Variants in TMEM59L observed in about 807,000 individuals in gnomAD.
TMEM59L encodes the protein transmembrane protein 59-like.
A neutral mutation model predicts 39.6 loss-of-function variants in TMEM59L; 31 were observed. The ratio of observed to expected loss-of-function variants is 0.78; its 90% CI spans 0.59 to 1.06. The LOEUF (loss-of-function observed/expected upper bound fraction) is 1.06, where lower values mean the gene tolerates loss of function less well. Ranked by LOEUF, TMEM59L falls within the 50% of genes least tolerant of loss-of-function variation. The pLI is 0.00. For synonymous variants in TMEM59L, 219 were observed against 202.9 expected (o/e 1.08, Z -0.68); for missense variants, 441 against 451.3 (o/e 0.98, Z 0.21).
intron 4 of TMEM59L, 51 bp from the exon 5 acceptor site, chr19:18,616,949 C>T: frequency 1.4e-6 from 2 of 1,431,420 alleles, no homozygotes; most frequent in Admixed American, 3.8e-5. Context: ...TGCCTGGGCC[C>T]AGGGGTGCTG....
chr19:18,613,922 C>T lies in TMEM59L; in HGVS notation c.222C>T (p.Ile74=). ...CTCCCTATGACAGAGCCGTTCTGATCAGCGCTTGCGAGCGTGGCTGCCGCC... is the reference window on the plus strand; with the variant it reads ...CTCCCTATGACAGAGCCGTTCTGATTAGCGCTTGCGAGCGTGGCTGCCGCC... ...SESPYDRAVL[I]SACERGCRLF... is the part of the protein sequence containing the mutation. Residue 74 remains isoleucine (I), a synonymous_variant, in exon 2 of 8, where the codon ATC becomes ATT. Transcript: ENST00000262817. The T allele has an allele frequency of 1.2e-6, 2 of 1,612,900 alleles. No individual in the cohort carries two copies. The highest frequency in any genetic ancestry group is 1.7e-6 in the Non-Finnish European group (2 of 1,179,922).
rs368151669 is a variant in TMEM59L, at chr19:18,617,877, G to T, written c.665-278G>T. 9.9e-5 allele frequency: 50 copies of T among 505,080 alleles called. No individual in the cohort carries two copies. In the East Asian group the frequency reaches 1.0e-3, roughly 11 times the overall value. 31.3% of individuals were successfully genotyped at this position (505,080 alleles called of 1,614,324 possible). ...TCATCTTCTAGGGTCATCTCCTAGGGTCCATCTCCTAGAGTTCTTTGGTCT... is the reference window on the plus strand; with the variant it reads ...TCATCTTCTAGGGTCATCTCCTAGGTTCCATCTCCTAGAGTTCTTTGGTCT... On this transcript the variant is annotated intron_variant, in intron 5 of 7. Transcript: ENST00000262817.
rs1007905005 is a variant in TMEM59L, at chr19:18,615,902, C to G, written c.409-73C>G. 2.6e-6 allele frequency: 4 copies of G among 1,553,138 alleles called. No homozygotes were observed. The African/African-American group carries it at 5.4e-5, about 21-fold the overall frequency. On this transcript the variant is annotated intron_variant, in intron 3 of 7. Transcript: ENST00000262817. ...GGATTACAGGCGTGAGCCACCACAT[C>G]CTGCCCCCTCCCATTCATTGGTTAA...
At position 18,617,050 on chromosome 19, in the gene TMEM59L, C is replaced by T. The variant is rs1408373366; in HGVS notation, c.612C>T (p.Arg204=). The change falls in exon 5 of 8, where the codon CGC becomes CGT. Residue 204 remains arginine (R), a synonymous_variant. Coordinates refer to ENST00000262817, the MANE Select transcript of TMEM59L (RefSeq NM_012109.3). The part of the protein sequence containing the change: ...SLGFQGGRLQ[R]VEVTWRGSHP... ...GCTTCCAGGGGGGCCGTCTGCAGCG[C>T]GTGGAGGTGACCTGGCGAGGCTCCC... 8.7e-6 allele frequency: 14 copies of T among 1,613,278 alleles called. No individual in the cohort carries two copies. Among genetic ancestry groups the T allele is most frequent in the South Asian group, 4.4e-5 (4 of 91,088 alleles).
At chr19:18,615,587 G>C (rs1182765594) in intron 3 of TMEM59L, among the ~76,000 whole-genome samples, 1 of 152,154 alleles carries the variant, frequency 6.6e-6, no homozygotes, top group Non-Finnish European at 1.5e-5. Flanking sequence ...AATTCTCCTA[G>C]CTCCTCTCCT....
rs1262683735 is a variant in TMEM59L at position 18,617,122 on chromosome 19, A to G, written c.664+20A>G. 6.3e-7 allele frequency: 1 copy of G among 1,598,286 alleles called. No individual in the cohort carries two copies. Among genetic ancestry groups the G allele is most frequent in the Non-Finnish European group, 8.6e-7 (1 of 1,166,636 alleles). On this transcript the variant is annotated intron_variant, in intron 5 of 7. Coordinates refer to ENST00000262817, the MANE Select transcript of TMEM59L (RefSeq NM_012109.3). ...ACGTGGGTAAGGTGCAACCTAGACCAGTGTTCCTTCCATGGGTGGCCCCAC... is the reference window on the plus strand; with the variant it reads ...ACGTGGGTAAGGTGCAACCTAGACCGGTGTTCCTTCCATGGGTGGCCCCAC...
At chr19:18,614,244 C>G in intron 3 of TMEM59L, 49 bp downstream of exon 3, 1 of 1,525,380 alleles carries the variant, frequency 6.6e-7, no homozygotes, top group Middle Eastern at 1.7e-4. Flanking sequence ...TACCCCCACC[C>G]TCTTCACCCC....
chr19:18,618,323 G>A (rs780893310), intron 6 of TMEM59L, 51 bp downstream of exon 6: 34 of 1,605,828 alleles, frequency 2.1e-5, no homozygotes, highest in Non-Finnish European at 2.7e-5. Flanking sequence ...GGAGGTACGG[G>A]TCTCCCTGGT....
At position 18,620,400 on chromosome 19, in the gene TMEM59L, T is replaced by A; in HGVS notation, c.901-8T>A. On this transcript the variant is annotated splice_polypyrimidine_tract_variant and splice_region_variant and intron_variant, in intron 7 of 7. Coordinates refer to ENST00000262817, the MANE Select transcript of TMEM59L (RefSeq NM_012109.3). ...CCTCCACTTCCCTCCTCCCCTCTCT[T>A]CCTGCAGCCTCTGACCCTGGAGCAG... The A allele has an allele frequency of 6.2e-7, 1 of 1,606,070 alleles. No individual in the cohort carries two copies. Among genetic ancestry groups the A allele is most frequent in the South Asian group, 1.1e-5 (1 of 90,718 alleles).
chr19:18,616,865 A>G (rs1976433305), intron 4 of TMEM59L, 135 bp from the exon 5 acceptor site: 1 of 685,328 alleles, frequency 1.5e-6, no homozygotes, highest in Non-Finnish European at 2.6e-6. Context: ...AACATCCCTG[A>G]CATCAAGCCC....
At chr19:18,617,917 C>A in intron 5 of TMEM59L, 1 of 571,980 alleles carries the variant, frequency 1.7e-6, no homozygotes. Flanking sequence ...CTCAGGGTTC[C>A]ATGGTTCATC....
chr19:18,612,971 G>T lies in TMEM59L; in HGVS notation c.13G>T (p.Ala5Ser). MAAVALMPPPLLLLL... is the reference protein window; with the variant it reads MAAVSLMPPPLLLLL... Reference sequence around the variant, plus strand: ...GTTCCGCCCGGCCATGGCTGCGGTGGCGCTGATGCCACCGCCGCTGCTGCT... The same window carrying T: ...GTTCCGCCCGGCCATGGCTGCGGTGTCGCTGATGCCACCGCCGCTGCTGCT... The change falls in exon 1 of 8, where the codon GCG (alanine) becomes TCG (serine). Residue 5 changes from alanine to serine, a missense_variant. Transcript: ENST00000262817. This position sits in a 1 kb window ranked among gnomAD's most constrained non-coding sequence, Gnocchi z 6.2. 7.5e-7 allele frequency: 1 copy of T among 1,338,866 alleles called. No individual in the cohort carries two copies. The highest frequency in any genetic ancestry group is 1.9e-5 in the South Asian group (1 of 52,348). 82.9% of individuals were successfully genotyped at this position (1,338,866 alleles called of 1,614,324 possible).
Position 18,614,027 on chromosome 19 carries a change from G to A in TMEM59L, c.316+11G>A, listed in dbSNP as rs1488372587. On this transcript the variant is annotated intron_variant, in intron 2 of 7. Transcript: ENST00000262817. ...CTGAGTGTGAAGCAGGTGAGGGCCC[G>A]CCGGCAGGGTGGGCCAGCGTGGGGA... 15 of 1,613,088 alleles carry A rather than the reference G, an allele frequency of 9.3e-6. No homozygotes were observed. The highest frequency in any genetic ancestry group is 6.7e-5 in the African/African-American group (5 of 74,934).
At chr19:18,616,677 G>A (rs1302435177) in intron 4 of TMEM59L, among the ~76,000 whole-genome samples, 1 of 152,228 alleles carries the variant, frequency 6.6e-6, no homozygotes, top group Admixed American at 6.5e-5. Context: ...ACAGGCATGA[G>A]CCACTGCCCC....
chr19:18,618,842 G>A (rs57534075), intron 7 of TMEM59L, among the ~76,000 whole-genome samples: 24,481 of 150,986 alleles, frequency 0.16, 2,315 homozygotes, highest in Non-Finnish European at 0.21. Context: ...CTATGGGCGC[G>A]GGCCACCACA....
In TMEM59L at chr19:18,620,693, C is replaced by T; in HGVS notation, c.*157C>T. 2 of 1,157,376 alleles carry T rather than the reference C, an allele frequency of 1.7e-6. No individual in the cohort carries two copies. The highest frequency in any genetic ancestry group is 2.3e-6 in the Non-Finnish European group (2 of 865,122). 71.7% of individuals were successfully genotyped at this position (1,157,376 alleles called of 1,614,324 possible). A position where few individuals can be genotyped will look rare whatever the true frequency, so the allele number is the denominator to read the frequency against. On this transcript the variant is annotated 3_prime_UTR_variant, in exon 8 of 8. Coordinates refer to ENST00000262817, the MANE Select transcript of TMEM59L (RefSeq NM_012109.3). ...GTCCCACCCCTTGCCCCACGGAGTCCTGGGGACGCAGTGCCCCAGCTGGGA... is the reference window on the plus strand; with the variant it reads ...GTCCCACCCCTTGCCCCACGGAGTCTTGGGGACGCAGTGCCCCAGCTGGGA...
chr19:18,613,905 G>T lies in TMEM59L; in HGVS notation c.205G>T (p.Asp69Tyr). ...GGAGGGCGCCTCCGAGTCTCCCTAT[G>T]ACAGAGCCGTTCTGATCAGCGCTTG... ...GLEGASESPY[D>Y]RAVLISACER... The change falls in exon 2 of 8, where the codon GAC becomes TAC. Residue 69 changes from aspartate (D) to tyrosine (Y), a missense_variant. Asp to Tyr is a radical substitution (Grantham distance 160). Transcript: ENST00000262817. 6.2e-7 allele frequency: 1 copy of T among 1,612,488 alleles called. No individual in the cohort carries two copies. The highest frequency in any genetic ancestry group is 1.1e-5 in the South Asian group (1 of 91,070).
At position 18,617,031 on chromosome 19, in the gene TMEM59L, AG is replaced by A. The variant is rs759780036; in HGVS notation, c.599del (p.Gly200AlafsTer8). On this transcript the variant is annotated frameshift_variant, in exon 5 of 8. Transcript: ENST00000262817. LOFTEE classifies it high-confidence loss of function. ...TQPIVESLGF[Q>X]GGRLQRVEVT... ...CCCATAGTGGAGAGCCTCGGCTTCCAGGGGGGCCGTCTGCAGCGCGTGGAGG... is the reference window on the plus strand; with the variant it reads ...CCCATAGTGGAGAGCCTCGGCTTCCAGGGGGCCGTCTGCAGCGCGTGGAGG... 9 of 1,612,458 alleles carry A rather than the reference AG, an allele frequency of 5.6e-6. No individual in the cohort carries two copies. In the African/African-American group the frequency reaches 1.1e-4, roughly 19 times the overall value.
intron 5 of TMEM59L, chr19:18,617,610 A>G (rs1450483365): frequency 7.4e-6 from 3 of 406,508 alleles, no homozygotes; most frequent in Non-Finnish European, 1.4e-5. Flanking sequence ...GTCCATCTCC[A>G]AGGGTTCTTT....
Sources: allele counts gnomAD v4.1 joint callset (sites outside exome capture counted in the v4.1 genomes callset), GRCh38; gene constraint gnomAD v4.1.1; non-coding constraint Gnocchi (gnomAD v3.1); transcripts MANE v1.5; gene names NCBI Gene and HGNC (gene_info 2026-07-23, HGNC 2026-07-21).